Variants in ITGB3BP observed in about 807,000 individuals in gnomAD.
The protein encoded by ITGB3BP is centromere protein R.
ITGB3BP carries 27 observed loss-of-function variants against 29.1 expected under a neutral mutation model. That is an observed-to-expected ratio of 0.93 (90% CI 0.68 to 1.28). The LOEUF (loss-of-function observed/expected upper bound fraction) is 1.28. Ranked by LOEUF, ITGB3BP falls within the 50% of genes most tolerant of loss-of-function variation. The pLI, the probability that ITGB3BP is intolerant of heterozygous loss-of-function variation, is 0.00. For synonymous variants in ITGB3BP, 61 were observed against 61.4 expected (o/e 0.99, Z 0.03); for missense variants, 192 against 200.2 (o/e 0.96, Z 0.25).
intron 4 of ITGB3BP, among the ~76,000 whole-genome samples, chr1:63,471,415 C>A (rs2100581519): frequency 6.6e-6 from 1 of 151,800 alleles, no homozygotes. Context: ...CCATGCCTGG[C>A]TATTTTTTTA....
At chr1:63,479,833 T>C (rs1195582645) in intron 3 of ITGB3BP, among the ~76,000 whole-genome samples, 1 of 152,182 alleles carries the variant, frequency 6.6e-6, no homozygotes, top group Non-Finnish European at 1.5e-5. Context: ...ATTTTCTTTA[T>C]CCATTCATGT....
At chr1:63,441,215 T>TAG (rs1473964668) in intron 8 of ITGB3BP, 112 bp from the exon 9 acceptor site, 1 of 152,200 alleles carries the variant, frequency 6.6e-6, no homozygotes, top group African/African-American at 2.4e-5. Flanking sequence ...GTACCTAGTT[T>TAG]AGTTAGATGC....
upstream of ITGB3BP, chr1:63,525,590 A>G: frequency 6.4e-7 from 1 of 1,568,590 alleles, no homozygotes; most frequent in Non-Finnish European, 8.6e-7. Context: ...TCAGTCCACG[A>G]AGCGATGCAA....
chr1:63,474,834 T>C (rs1645302106), intron 4 of ITGB3BP, among the ~76,000 whole-genome samples: 1 of 150,990 alleles, frequency 6.6e-6, no homozygotes, highest in African/African-American at 2.4e-5. Flanking sequence ...CCCTCCACTA[T>C]TGTCCTATGA....
intron 4 of ITGB3BP, among the ~76,000 whole-genome samples, chr1:63,460,440 C>G (rs1431197427): frequency 6.6e-6 from 1 of 152,158 alleles, no homozygotes; most frequent in Non-Finnish European, 1.5e-5. Flanking sequence ...TAGCATAATG[C>G]TTTCAAGATT....
chr1:63,455,587 G>A (rs1018251510), intron 4 of ITGB3BP, among the ~76,000 whole-genome samples: 18 of 152,206 alleles, frequency 1.2e-4, no homozygotes, highest in African/African-American at 4.3e-4. Context: ...TGTGATTACA[G>A]GTGTGAGCCA....
chr1:63,514,512 G>T (rs760333825), intron 1 of ITGB3BP, among the ~76,000 whole-genome samples: 1 of 151,896 alleles, frequency 6.6e-6, no homozygotes, highest in Non-Finnish European at 1.5e-5. Flanking sequence ...ATTAACTATT[G>T]GTTCAAATCT....
chr1:63,450,254 A>C (rs759098975), intron 7 of ITGB3BP, among the ~76,000 whole-genome samples: 62 of 152,110 alleles, frequency 4.1e-4, no homozygotes, highest in Non-Finnish European at 8.6e-4. Context: ...ATTTCATTTA[A>C]AATATGCATA....
intron 4 of ITGB3BP, among the ~76,000 whole-genome samples, chr1:63,477,078 G>A (rs1645352691): frequency 6.6e-6 from 1 of 152,184 alleles, no homozygotes; most frequent in Non-Finnish European, 1.5e-5. Flanking sequence ...TTTGGAGCTG[G>A]AGGAGCAGCA....
intron 2 of ITGB3BP, among the ~76,000 whole-genome samples, chr1:63,504,278 G>A (rs1646016335): frequency 1.3e-5 from 2 of 151,972 alleles, no homozygotes; most frequent in Admixed American, 1.3e-4. Context: ...TGAAGCAATT[G>A]TGAATGGGAG....
intron 4 of ITGB3BP, among the ~76,000 whole-genome samples, chr1:63,470,976 C>T (rs1645185662): frequency 6.6e-6 from 1 of 152,146 alleles, no homozygotes; most frequent in Admixed American, 6.5e-5. Context: ...TGTAGTGGTG[C>T]TTCATGGAGG....
chr1:63,480,723 T>C (rs1279379529), intron 3 of ITGB3BP, among the ~76,000 whole-genome samples: 1 of 152,090 alleles, frequency 6.6e-6, no homozygotes, highest in Non-Finnish European at 1.5e-5. Context: ...TTACAGAAAT[T>C]TTGTTAAAGC....
At chr1:63,504,798 T>C (rs1006542149) in intron 2 of ITGB3BP, among the ~76,000 whole-genome samples, 1 of 152,246 alleles carries the variant, frequency 6.6e-6, no homozygotes, top group African/African-American at 2.4e-5. Flanking sequence ...GTTCTGTTTA[T>C]ATGCTGGATT....
At chr1:63,445,844 C>T (rs889572880) in intron 8 of ITGB3BP, among the ~76,000 whole-genome samples, 1 of 152,106 alleles carries the variant, frequency 6.6e-6, no homozygotes, top group Non-Finnish European at 1.5e-5. Flanking sequence ...CTCACCTTGG[C>T]CTCTCACAGT....
chr1:63,523,538 A>T (rs913123953), upstream of ITGB3BP: 1 of 267,220 alleles, frequency 3.7e-6, no homozygotes, highest in Non-Finnish European at 7.4e-6. Flanking sequence ...TGCCATGGTG[A>T]TTAGAGAAAG....
intron 1 of ITGB3BP, among the ~76,000 whole-genome samples, chr1:63,514,116 T>G (rs1466454796): frequency 6.6e-6 from 1 of 152,218 alleles, no homozygotes; most frequent in Non-Finnish European, 1.5e-5. Context: ...TTCTAGAATT[T>G]CATATAAATA....
chr1:63,500,091 G>A (rs1645887320), intron 2 of ITGB3BP, among the ~76,000 whole-genome samples: 1 of 152,176 alleles, frequency 6.6e-6, no homozygotes, highest in Non-Finnish European at 1.5e-5. Context: ...AATACCCTAA[G>A]TAGGGCGGGG....
intron 2 of ITGB3BP, among the ~76,000 whole-genome samples, chr1:63,501,348 G>A (rs1645924006): frequency 6.6e-6 from 1 of 152,072 alleles, no homozygotes; most frequent in African/African-American, 2.4e-5. Context: ...AAAATGTTAT[G>A]CTAAATGAAA....
intron 3 of ITGB3BP, among the ~76,000 whole-genome samples, chr1:63,488,819 A>T (rs1418857352): frequency 2.6e-5 from 4 of 152,050 alleles, no homozygotes; most frequent in African/African-American, 7.2e-5. Flanking sequence ...CACCTCTGAA[A>T]CCCTTGCTAT....
Sources: gnomAD v4.1 joint callset for allele counts (sites outside exome capture counted in the v4.1 genomes callset) on GRCh38, gnomAD v4.1.1 for gene constraint, MANE v1.5 for transcripts, NCBI Gene and HGNC (gene_info 2026-07-23, HGNC 2026-07-21) for gene names.